The following HADH variants were observed in gnomAD, a reference collection of about 807,000 sequenced individuals.
HADH encodes hydroxyacyl-coenzyme A dehydrogenase, mitochondrial.
In HADH, 24 loss-of-function variants were observed where a neutral mutation model predicts 32.2. That is an observed-to-expected ratio of 0.75 (90% CI 0.54 to 1.05). HADH has a LOEUF of 1.05. Among genes scored for constraint, HADH ranks in the 50% least tolerant of loss-of-function variants. The pLI is 0.00. For missense variants in HADH, 350 were observed against 397.1 expected (o/e 0.88, Z 1.01); for synonymous variants, 139 against 152.5 (o/e 0.91, Z 0.65).
chr4:108,004,379 A>G (rs1331075791), intron 1 of HADH: 5 of 314,644 alleles, frequency 1.6e-5, no homozygotes, highest in Non-Finnish European at 2.5e-5. Context: ...TGAGAAGCCA[A>G]GTGTTTTTGT....
intron 6 of HADH, chr4:108,027,964 C>T: frequency 1.6e-6 from 1 of 616,318 alleles, no homozygotes; most frequent in Non-Finnish European, 2.9e-6. Context: ...CTGTGGGCCT[C>T]TGAGAAAGGT....
At chr4:108,008,598 G>A (rs1011043708) in intron 1 of HADH, among the ~76,000 whole-genome samples, 3 of 152,008 alleles carry the variant, frequency 2.0e-5, no homozygotes, top group African/African-American at 2.4e-5. Context: ...CTTATATCAC[G>A]ACCATGGTTT....
In HADH at chr4:108,019,415, TC is replaced by T. The variant is rs991978109; in HGVS notation, c.420-120del. On this transcript the variant is annotated intron_variant, in intron 3 of 7. Transcript: ENST00000309522. ...TATGAAGATGTGTCTTCTCCCTCAT[TC>T]CCCCAATGGGTCAGGACAACAGATG... is the stretch of plus-strand genomic sequence containing the variant. 1.3e-4 allele frequency: 104 copies of T among 823,466 alleles called. No homozygotes were observed. In the African/African-American group the frequency reaches 1.7e-3, roughly 13 times the overall value. 51.0% of individuals were successfully genotyped at this position (823,466 alleles called of 1,614,324 possible). A position where few individuals can be genotyped will look rare whatever the true frequency, so the allele number is the denominator to read the frequency against.
At chr4:107,992,883 G>T (rs914018435) in intron 1 of HADH, among the ~76,000 whole-genome samples, 2 of 152,176 alleles carry the variant, frequency 1.3e-5, no homozygotes, top group Non-Finnish European at 1.5e-5. Flanking sequence ...GGGAGGCTGA[G>T]GGGGGCAGAT....
chr4:108,009,615 C>A, intron 1 of HADH, 144 bp from the exon 2 acceptor site: 1 of 716,414 alleles, frequency 1.4e-6, no homozygotes, highest in Non-Finnish European at 2.5e-6. Flanking sequence ...GTTGACTTAT[C>A]ATATGTTCAC....
intron 1 of HADH, 111 bp from the exon 2 acceptor site, chr4:108,009,648 A>T: frequency 1.2e-6 from 1 of 829,684 alleles, no homozygotes; most frequent in Non-Finnish European, 2.1e-6. Flanking sequence ...ATGGAATGGT[A>T]GTAGAATTCA....
At chr4:107,997,337 G>C (rs2126219331) in intron 1 of HADH, among the ~76,000 whole-genome samples, 1 of 152,310 alleles carries the variant, frequency 6.6e-6, no homozygotes, top group East Asian at 1.9e-4. Flanking sequence ...GAACTGTTGA[G>C]GGAGGAGATG....
chr4:108,002,549 C>T (rs1735150087), intron 1 of HADH, among the ~76,000 whole-genome samples: 2 of 152,060 alleles, frequency 1.3e-5, no homozygotes, highest in South Asian at 4.1e-4. Flanking sequence ...AAATAAAGTG[C>T]ACAATCAATG....
chr4:107,996,592 CTG>C (rs1339928663), intron 1 of HADH, among the ~76,000 whole-genome samples: 1 of 152,106 alleles, frequency 6.6e-6, no homozygotes, highest in Admixed American at 6.6e-5. Flanking sequence ...ATTAATTTAA[CTG>C]TTTGAAGAAA....
chr4:108,017,183 A>T (rs1414423514), intron 3 of HADH, among the ~76,000 whole-genome samples: 2 of 152,216 alleles, frequency 1.3e-5, no homozygotes, highest in Non-Finnish European at 2.9e-5. Context: ...GGGAGAAGAA[A>T]ATATAGTCAA....
At chr4:108,008,498 G>A (rs937113825) in intron 1 of HADH, among the ~76,000 whole-genome samples, 5 of 152,182 alleles carry the variant, frequency 3.3e-5, no homozygotes, top group Non-Finnish European at 7.3e-5. Flanking sequence ...GGATTTGAAC[G>A]TCTTTGCCTT....
At chr4:108,006,616 A>C (rs1461377819) in intron 1 of HADH, among the ~76,000 whole-genome samples, 1 of 152,162 alleles carries the variant, frequency 6.6e-6, no homozygotes, top group East Asian at 1.9e-4. Context: ...AGTTTGATTC[A>C]TTGGGTCTGG....
chr4:108,034,200 C>G lies in HADH; in HGVS notation c.827-39C>G, dbSNP rs377578688. The stretch of plus-strand genomic sequence containing the variant: ...AAATGCCAAGATGTAAAAATAAACC[C>G]AGCACTTCATCCTGAGTTCTCTTCC... On this transcript the variant is annotated intron_variant, in intron 7 of 7. Transcript: ENST00000309522. The G allele has an allele frequency of 3.5e-5, 46 of 1,298,424 alleles. No individual in the cohort carries two copies. In the African/African-American group the frequency reaches 5.7e-4, roughly 16 times the overall value. The allele number at this position is 1,298,424 out of a possible 1,614,324, so 80.4% of individuals were successfully genotyped here.
intron 1 of HADH, chr4:108,005,113 TCTTATGG>T: frequency 4.9e-6 from 2 of 406,530 alleles, no homozygotes; most frequent in Non-Finnish European, 8.8e-6. Flanking sequence ...TAATATTTGA[TCTTATGG>T]TTACCAAAAA....
At chr4:108,003,325 G>A (rs751629457) in intron 1 of HADH, among the ~76,000 whole-genome samples, 1 of 152,098 alleles carries the variant, frequency 6.6e-6, no homozygotes, top group African/African-American at 2.4e-5. Flanking sequence ...AACTTTCTCC[G>A]TCAAGTCCTT....
chr4:108,021,830 G>A (rs965756148), intron 4 of HADH, among the ~76,000 whole-genome samples: 10 of 152,094 alleles, frequency 6.6e-5, no homozygotes, highest in East Asian at 1.9e-4. Flanking sequence ...GGTCTTTCTC[G>A]TCCTGCTCCT....
At chr4:108,017,191 C>T (rs777404482) in intron 3 of HADH, among the ~76,000 whole-genome samples, 7 of 152,174 alleles carry the variant, frequency 4.6e-5, no homozygotes, top group Non-Finnish European at 8.8e-5. Flanking sequence ...AAAATATAGT[C>T]AAGTGATACA....
rs1474530933 is a variant in HADH, at chr4:107,990,025, G to C, written c.93G>C (p.Thr31=). 6.2e-7 allele frequency: 1 copy of C among 1,611,722 alleles called. No individual in the cohort carries two copies. ...AGAAGATAATCGTCAAGCACGTGAC[G>C]GTCATCGGCGGCGGGCTGATGGGCG... The part of the protein sequence containing the change: ...SAKKIIVKHV[T]VIGGGLMGAG... The change falls in exon 1 of 8, where the codon ACG becomes ACC. Residue 31 remains threonine, a synonymous_variant. Transcript: ENST00000309522.
intron 1 of HADH, among the ~76,000 whole-genome samples, chr4:107,991,536 A>G (rs1237350376): frequency 6.6e-6 from 1 of 151,138 alleles, no homozygotes; most frequent in Non-Finnish European, 1.5e-5. Context: ...ATGACTTCTT[A>G]CAGTCTCCCA....
Sources: allele counts gnomAD v4.1 joint callset (sites outside exome capture counted in the v4.1 genomes callset), GRCh38; gene constraint gnomAD v4.1.1; transcripts MANE v1.5; gene names NCBI Gene and HGNC (gene_info 2026-07-23, HGNC 2026-07-21).